The following ZNF892 variants were observed in gnomAD, a reference collection of about 807,000 sequenced individuals.
The protein encoded by ZNF892 is zinc finger protein 570-like.
the ZNF892 span, among the ~76,000 whole-genome samples, chr2:95,238,113 T>C: frequency 6.6e-6 from 1 of 152,234 alleles, no homozygotes; most frequent in African/African-American, 2.4e-5. Context: ...AGATTTGCAA[T>C]GTAGACAAAA....
the ZNF892 span, among the ~76,000 whole-genome samples, chr2:95,213,346 C>G: frequency 6.6e-6 from 1 of 152,154 alleles, no homozygotes; most frequent in Admixed American, 6.5e-5. Flanking sequence ...CTGAATATAT[C>G]TAGTTGAGAA....
the ZNF892 span, among the ~76,000 whole-genome samples, chr2:95,257,023 C>T: frequency 6.6e-6 from 1 of 152,164 alleles, no homozygotes; most frequent in Non-Finnish European, 1.5e-5. Context: ...TTTGAACTTC[C>T]TCCTTTAGCT....
At chr2:95,256,997 A>C in the ZNF892 span, among the ~76,000 whole-genome samples, 2 of 152,036 alleles carry the variant, frequency 1.3e-5, no homozygotes, top group Non-Finnish European at 2.9e-5. Flanking sequence ...AAGGTTTTTA[A>C]CTTCTTTGCC....
the ZNF892 span, among the ~76,000 whole-genome samples, chr2:95,255,881 A>T: frequency 1.3e-5 from 2 of 152,068 alleles, no homozygotes; most frequent in Non-Finnish European, 2.9e-5. Flanking sequence ...AGTCTTTTTT[A>T]TCAGAGACTA....
At chr2:95,222,562 A>C in the ZNF892 span, among the ~76,000 whole-genome samples, 1 of 152,118 alleles carries the variant, frequency 6.6e-6, no homozygotes. Context: ...TTCAATTTGC[A>C]TTTCCTTAGT....
the ZNF892 span, among the ~76,000 whole-genome samples, chr2:95,225,363 G>A: frequency 6.6e-6 from 1 of 152,188 alleles, no homozygotes; most frequent in African/African-American, 2.4e-5. Context: ...CAGTTCTGGA[G>A]GCAGGGAAGT....
chr2:95,252,036 G>T, the ZNF892 span, among the ~76,000 whole-genome samples: 1 of 152,272 alleles, frequency 6.6e-6, no homozygotes, highest in Admixed American at 6.5e-5. Flanking sequence ...GTTCGGAGTC[G>T]CAAAGAAAAT....
the ZNF892 span, among the ~76,000 whole-genome samples, chr2:95,244,348 A>G: frequency 6.6e-6 from 1 of 152,126 alleles, no homozygotes; most frequent in African/African-American, 2.4e-5. Flanking sequence ...TTAAAAAAAA[A>G]AAAAAAATTT....
chr2:95,221,832 T>G, the ZNF892 span, among the ~76,000 whole-genome samples: 1 of 152,196 alleles, frequency 6.6e-6, no homozygotes, highest in Admixed American at 6.5e-5. Context: ...TTCACCCACT[T>G]AAAGGTGTTT....
chr2:95,225,803 C>T, the ZNF892 span, among the ~76,000 whole-genome samples: 1 of 152,154 alleles, frequency 6.6e-6, no homozygotes, highest in Non-Finnish European at 1.5e-5. Context: ...AGGCAAATTT[C>T]CAGCTCTGAG....
At chr2:95,244,378 G>GA in the ZNF892 span, among the ~76,000 whole-genome samples, 1 of 148,222 alleles carries the variant, frequency 6.7e-6, no homozygotes, top group Non-Finnish European at 1.5e-5. Flanking sequence ...GTGGAAAACA[G>GA]AAAAAAGCAG....
the ZNF892 span, among the ~76,000 whole-genome samples, chr2:95,223,390 G>GT: frequency 4.6e-5 from 7 of 151,994 alleles, 1 homozygote; most frequent in Middle Eastern, 6.8e-3. Flanking sequence ...TAATATTGGG[G>GT]TTTTTTTGGG....
the ZNF892 span, chr2:95,208,817 A>G: frequency 7.5e-6 from 3 of 397,858 alleles, no homozygotes; most frequent in African/African-American, 6.2e-5. Flanking sequence ...GGAATTGCTC[A>G]GCCCTGATGC....
At chr2:95,222,138 A>G in the ZNF892 span, among the ~76,000 whole-genome samples, 1 of 152,112 alleles carries the variant, frequency 6.6e-6, no homozygotes, top group Non-Finnish European at 1.5e-5. Context: ...CCCACCCCGC[A>G]TTGAGTATAA....
chr2:95,220,019 C>T, the ZNF892 span, among the ~76,000 whole-genome samples: 1 of 152,188 alleles, frequency 6.6e-6, no homozygotes, highest in African/African-American at 2.4e-5. Context: ...CCCCACTTGG[C>T]TTCCACTGAA....
At chr2:95,257,209 C>A in the ZNF892 span, among the ~76,000 whole-genome samples, 1 of 152,052 alleles carries the variant, frequency 6.6e-6, no homozygotes, top group Non-Finnish European at 1.5e-5. Context: ...TTTTATCTAC[C>A]TTTGGTCTTT....
At chr2:95,260,649 CCT>C in the ZNF892 span, among the ~76,000 whole-genome samples, 1 of 152,198 alleles carries the variant, frequency 6.6e-6, no homozygotes. Context: ...GGGTTCTCAT[CCT>C]CTCTCCCTCT....
At chr2:95,257,909 C>G in the ZNF892 span, among the ~76,000 whole-genome samples, 1 of 152,214 alleles carries the variant, frequency 6.6e-6, no homozygotes, top group Non-Finnish European at 1.5e-5. Context: ...TTGCTAAGAC[C>G]ATTGGAAAAG....
the ZNF892 span, chr2:95,215,325 G>A: frequency 1.0e-4 from 49 of 467,906 alleles, no homozygotes; most frequent in African/African-American, 8.0e-4. Flanking sequence ...TGACCGCTCA[G>A]CCCTTATTCG....
Sources: gnomAD v4.1 joint callset for allele counts (sites outside exome capture counted in the v4.1 genomes callset) on GRCh38, gnomAD v4.1.1 for gene constraint, MANE v1.5 for transcripts, NCBI Gene and HGNC (gene_info 2026-07-23, HGNC 2026-07-21) for gene names.